Variants in COPG2 observed in about 807,000 individuals in gnomAD.
COPG2 encodes coat protein complex I subunit gamma 2.
A neutral mutation model predicts 46.3 loss-of-function variants in COPG2; 37 were observed. The ratio of observed to expected loss-of-function variants is 0.80; its 90% confidence interval spans 0.61 to 1.05. The LOEUF (loss-of-function observed/expected upper bound fraction) is 1.05. Ranked by LOEUF, COPG2 falls within the 50% of genes least tolerant of loss-of-function variation. The pLI, the probability that COPG2 is intolerant of heterozygous loss-of-function variation, is 0.00. For synonymous variants in COPG2, 159 were observed against 129.7 expected (o/e 1.23, Z -1.53); for missense variants, 427 against 387.8 (o/e 1.10, Z -0.85).
chr7:130,659,850 TGCAGTGAGCCAAG>T (rs1795940260), intron 4 of COPG2, among the ~76,000 whole-genome samples: 1 of 152,136 alleles, frequency 6.6e-6, no homozygotes, highest in Admixed American at 6.5e-5. Flanking sequence ...AGGCGGAGGC[TGCAGTGAGCCAAG>T]ATCGCGCCAC....
intron 9 of COPG2, among the ~76,000 whole-genome samples, chr7:130,582,424 G>C (rs1327199860): frequency 2.6e-5 from 4 of 151,080 alleles, no homozygotes; most frequent in African/African-American, 9.7e-5. Flanking sequence ...TACCATTCAG[G>C]ACATAGGCAT....
Position 130,623,751 on chromosome 7 carries a change from T to G in COPG2, c.324-6686A>C, listed in dbSNP as rs529485730. On this transcript the variant is annotated intron_variant, in intron 5 of 23. Coordinates refer to ENST00000425248, the MANE Select transcript of COPG2 (RefSeq NM_012133.6). ...CTACGGCCCCAGCTACTCAGAAGGC[T>G]GAGGTGGGAGGATTGCTTGAGCCAG... Among the ~76,000 whole-genome samples, 16 of 152,204 alleles carry G rather than the reference T, an allele frequency of 1.1e-4. No individual in the cohort carries two copies. The South Asian group carries it at 3.1e-3, about 30-fold the overall frequency.
At chr7:130,668,013 C>G (rs573974020) in intron 1 of COPG2, among the ~76,000 whole-genome samples, 1 of 152,132 alleles carries the variant, frequency 6.6e-6, no homozygotes, top group Non-Finnish European at 1.5e-5. Context: ...CTACCAAACA[C>G]TGAGAATTTT....
intron 20 of COPG2, among the ~76,000 whole-genome samples, chr7:130,535,076 G>A (rs1254416366): frequency 6.6e-6 from 1 of 152,272 alleles, no homozygotes; most frequent in South Asian, 2.1e-4. Flanking sequence ...ATAGAGAGAG[G>A]ATGGAAAAGT....
intron 9 of COPG2, among the ~76,000 whole-genome samples, chr7:130,591,571 C>T (rs1794425156): frequency 7.3e-6 from 1 of 136,550 alleles, no homozygotes; most frequent in Non-Finnish European, 1.6e-5. Flanking sequence ...GCCCCTCTGC[C>T]CGGCCAGCCG....
chr7:130,530,893 G>C (rs1799818400), intron 20 of COPG2, among the ~76,000 whole-genome samples: 1 of 151,822 alleles, frequency 6.6e-6, no homozygotes, highest in Non-Finnish European at 1.5e-5. Flanking sequence ...AAGGAATTTG[G>C]AGTGCTCAGA....
intron 5 of COPG2, among the ~76,000 whole-genome samples, chr7:130,651,575 G>A (rs1795746759): frequency 7.3e-6 from 1 of 136,196 alleles, no homozygotes; most frequent in Non-Finnish European, 1.5e-5. Context: ...GGACTGCAGT[G>A]GCGCAATCTC....
At chr7:130,625,628 C>A (rs543731756) in intron 5 of COPG2, among the ~76,000 whole-genome samples, 82 of 150,768 alleles carry the variant, frequency 5.4e-4, no homozygotes, top group African/African-American at 1.9e-3. Context: ...TACATTTCTT[C>A]TGTTTCTCCC....
At chr7:130,511,058 C>A in intron 20 of COPG2, 2 of 495,188 alleles carry the variant, frequency 4.0e-6, no homozygotes, top group Non-Finnish European at 8.0e-6. Flanking sequence ...ATGAAAAGAA[C>A]CCAGCGAATT....
chr7:130,512,720 G>C (rs1168039585), intron 20 of COPG2, among the ~76,000 whole-genome samples: 1 of 152,062 alleles, frequency 6.6e-6, no homozygotes, highest in Non-Finnish European at 1.5e-5. Flanking sequence ...ACTCTAACCT[G>C]GGTGACAGAG....
intron 21 of COPG2, 110 bp from the exon 22 acceptor site, chr7:130,507,933 A>G (rs1554440456): frequency 8.8e-6 from 6 of 682,664 alleles, no homozygotes; most frequent in Non-Finnish European, 1.3e-5. Context: ...CTACCACCAA[A>G]ATAGTTTAAG....
At chr7:130,664,326 A>G (rs10263009) in intron 3 of COPG2, among the ~76,000 whole-genome samples, 120,810 of 152,120 alleles carry the variant, frequency 0.79, 48,285 homozygotes, top group Non-Finnish European at 0.85. Context: ...AGTTTAGGAT[A>G]AAAGACAAAG....
chr7:130,546,899 A>T (rs1294078724), intron 20 of COPG2: 4 of 152,214 alleles, frequency 2.6e-5, no homozygotes, highest in Non-Finnish European at 5.9e-5. Context: ...TCAAAACATA[A>T]ATGTGATGTG....
intron 5 of COPG2, among the ~76,000 whole-genome samples, chr7:130,641,722 A>G (rs183056670): frequency 1.2e-3 from 186 of 152,270 alleles, no homozygotes; most frequent in Middle Eastern, 6.8e-3. Flanking sequence ...TTCAGAAGTA[A>G]TTATTCAGGA....
At chr7:130,572,392 A>G (rs1032085558) in intron 9 of COPG2, among the ~76,000 whole-genome samples, 9 of 152,208 alleles carry the variant, frequency 5.9e-5, no homozygotes, top group Admixed American at 6.5e-5. Flanking sequence ...GAAAACATTC[A>G]ACCCAGTAAC....
chr7:130,557,816 T>TAAAAAAAA (rs1793652229), intron 12 of COPG2, among the ~76,000 whole-genome samples: 1 of 104 alleles, frequency 9.6e-3, no homozygotes, highest in Non-Finnish European at 0.022. Flanking sequence ...AAACTCCATC[T>TAAAAAAAA]CAAAAAAAAA....
At chr7:130,525,799 G>A (rs928352416) in intron 20 of COPG2, among the ~76,000 whole-genome samples, 1 of 152,236 alleles carries the variant, frequency 6.6e-6, no homozygotes, top group Middle Eastern at 3.4e-3. Flanking sequence ...TGGGGTGTTT[G>A]GTGCTGGAGT....
chr7:130,611,250 T>C, intron 8 of COPG2, 140 bp from the exon 9 acceptor site: 1 of 747,912 alleles, frequency 1.3e-6, no homozygotes, highest in Non-Finnish European at 2.1e-6. Flanking sequence ...TTTTTCACAC[T>C]GAACTAAACA....
At chr7:130,566,305 A>G (rs1584975380) in intron 9 of COPG2, among the ~76,000 whole-genome samples, 2 of 152,322 alleles carry the variant, frequency 1.3e-5, no homozygotes. Flanking sequence ...GCTATTATTA[A>G]AAAGTCAAAA....
Sources: allele counts gnomAD v4.1 joint callset (sites outside exome capture counted in the v4.1 genomes callset), GRCh38; gene constraint gnomAD v4.1.1; transcripts MANE v1.5; gene names NCBI Gene and HGNC (gene_info 2026-07-23, HGNC 2026-07-21).